Variants in PPP1R13B observed in about 807,000 individuals in gnomAD.
The protein encoded by PPP1R13B is apoptosis-stimulating of p53 protein 1.
Under a neutral mutation model 119.8 loss-of-function variants are expected in PPP1R13B, and 44 were observed. That is an observed-to-expected ratio of 0.37 (90% CI 0.29 to 0.47). PPP1R13B has a LOEUF of 0.47. Ranked by LOEUF, PPP1R13B falls within the 20% of genes least tolerant of loss-of-function variation. The pLI, the probability that PPP1R13B is intolerant of heterozygous loss-of-function variation, is 0.99. For missense variants in PPP1R13B, 1,227 were observed against 1,413.5 expected, an observed-to-expected ratio of 0.87 and a Z score of 2.12; for synonymous variants, 542 against 561.5, an observed-to-expected ratio of 0.97 and a Z score of 0.49.
chr14:103,777,728 A>G (rs1361873785), intron 4 of PPP1R13B, among the ~76,000 whole-genome samples: 1 of 151,950 alleles, frequency 6.6e-6, no homozygotes, highest in Non-Finnish European at 1.5e-5. Flanking sequence ...TAGAAATGAC[A>G]ATATCTACCC....
chr14:103,787,637 A>G (rs1355476675), intron 2 of PPP1R13B, among the ~76,000 whole-genome samples: 1 of 148,154 alleles, frequency 6.7e-6, no homozygotes, highest in Non-Finnish European at 1.5e-5. Context: ...ACACAGTGAG[A>G]CTTAATTGCT....
At chr14:103,754,904 C>T (rs1308435847) in intron 5 of PPP1R13B, among the ~76,000 whole-genome samples, 1 of 151,970 alleles carries the variant, frequency 6.6e-6, no homozygotes, top group Non-Finnish European at 1.5e-5. Flanking sequence ...CTCAGTCTAC[C>T]GAGTAGCTGG....
At chr14:103,839,857 A>G (rs1440995246) in intron 1 of PPP1R13B, among the ~76,000 whole-genome samples, 1 of 152,172 alleles carries the variant, frequency 6.6e-6, no homozygotes, top group African/African-American at 2.4e-5. Context: ...TACAATCACA[A>G]CATGTGGCAT....
At position 103,754,101 on chromosome 14, in the gene PPP1R13B, G is replaced by A. The variant is rs1423391850; in HGVS notation, c.600C>T (p.Val200=). 11 of 1,613,858 alleles carry A rather than the reference G, an allele frequency of 6.8e-6. No individual in the cohort carries two copies. Among genetic ancestry groups the A allele is most frequent in the Admixed American group, 6.7e-5 (4 of 59,964 alleles). The change falls in exon 6 of 17, where the codon GTC becomes GTT. Residue 200 remains valine (V), a synonymous_variant. Transcript: ENST00000202556. ...LKKIRAMRGQ[V]DYSKIMNGNL... ...TGCCGTTCATGATTTTGCTGTAGTCGACTTGTCCTCTCATTGCACGAATTT... is the reference window on the plus strand; with the variant it reads ...TGCCGTTCATGATTTTGCTGTAGTCAACTTGTCCTCTCATTGCACGAATTT...
chr14:103,785,844 T>C (rs1401568510), intron 2 of PPP1R13B, among the ~76,000 whole-genome samples: 1 of 151,846 alleles, frequency 6.6e-6, no homozygotes. Flanking sequence ...GAAACATAAA[T>C]TGACCAGGCC....
chr14:103,824,497 T>C (rs1346939320), intron 1 of PPP1R13B, among the ~76,000 whole-genome samples: 1 of 151,488 alleles, frequency 6.6e-6, no homozygotes, highest in Non-Finnish European at 1.5e-5. Flanking sequence ...AGTTCGAGAC[T>C]AGCCTGGCCA....
chr14:103,760,949 T>C (rs1376520088), intron 4 of PPP1R13B, among the ~76,000 whole-genome samples: 1 of 152,222 alleles, frequency 6.6e-6, no homozygotes, highest in Non-Finnish European at 1.5e-5. Context: ...AAACAAAATA[T>C]TTGTCTCTCC....
chr14:103,739,914 C>T lies in PPP1R13B; in HGVS notation c.2502G>A (p.Pro834=), dbSNP rs749204418. ...GAGATGGGGCCTCAGCCACAGGACT[C>T]GGGATCTGCTCCGTGGTGGGGACCG... ...VATVPTTEQI[P]SPVAEAPSPG... The change falls in exon 12 of 17, where the codon CCG becomes CCA. Residue 834 remains proline (P), a synonymous_variant. Transcript: ENST00000202556. 71 of 1,614,032 alleles carry T rather than the reference C, an allele frequency of 4.4e-5. No individual in the cohort carries two copies. Among genetic ancestry groups the T allele is most frequent in the Non-Finnish European group, 5.5e-5 (65 of 1,180,024 alleles).
intron 1 of PPP1R13B, among the ~76,000 whole-genome samples, chr14:103,814,082 G>A (rs2086221235): frequency 6.6e-6 from 1 of 152,212 alleles, no homozygotes; most frequent in Non-Finnish European, 1.5e-5. Flanking sequence ...GGGCGTGGTG[G>A]CTCACACCTG....
rs1567082206 is a variant in PPP1R13B, at chr14:103,739,964, C to G, written c.2452G>C (p.Glu818Gln). ...GTGGCCACGTTGTTGTTATTGTCCTCTGCCGGCTCGGCAGTTTGGTGGGTG... is the reference window on the plus strand; with the variant it reads ...GTGGCCACGTTGTTGTTATTGTCCTGTGCCGGCTCGGCAGTTTGGTGGGTG... The part of the protein sequence containing the change: ...QTTHQTAEPA[E>Q]DNNNNVATVP... The change falls in exon 12 of 17, where the codon GAG (glutamate) becomes CAG (glutamine). Residue 818 changes from glutamate to glutamine, a missense_variant. Transcript: ENST00000202556. 6.2e-7 allele frequency: 1 copy of G among 1,614,148 alleles called. No homozygotes were observed. The highest frequency in any genetic ancestry group is 2.2e-5 in the East Asian group (1 of 44,878).
At chr14:103,846,347 G>A (rs895588098) in intron 1 of PPP1R13B, among the ~76,000 whole-genome samples, 16 of 152,216 alleles carry the variant, frequency 1.1e-4, no homozygotes, top group Non-Finnish European at 2.4e-4. Context: ...CAGCATAGCA[G>A]AATGGCAATA....
At chr14:103,771,790 T>C (rs961418532) in intron 4 of PPP1R13B, among the ~76,000 whole-genome samples, 2 of 152,208 alleles carry the variant, frequency 1.3e-5, no homozygotes, top group Admixed American at 6.5e-5. Context: ...CTAAAACTTC[T>C]AGAAGTGAAA....
At chr14:103,840,011 TATTGTTCTATATGATATC>T (rs1938245446) in intron 1 of PPP1R13B, 1 of 152,364 alleles carries the variant, frequency 6.6e-6, no homozygotes, top group Non-Finnish European at 1.5e-5. Flanking sequence ...TCCAGTTTTA[TATTGTTCTATATGATATC>T]ACCAAAGATT....
chr14:103,783,722 A>C (rs905029100), intron 3 of PPP1R13B, among the ~76,000 whole-genome samples: 2 of 151,578 alleles, frequency 1.3e-5, no homozygotes, highest in Admixed American at 1.3e-4. Context: ...CCAGCTATTT[A>C]GTATTTTCTG....
At chr14:103,753,793 T>C (rs986164506) in intron 6 of PPP1R13B, among the ~76,000 whole-genome samples, 5 of 152,108 alleles carry the variant, frequency 3.3e-5, no homozygotes, top group African/African-American at 1.2e-4. Context: ...TCATTCAGGC[T>C]GGGGAGCACT....
intron 1 of PPP1R13B, among the ~76,000 whole-genome samples, chr14:103,798,150 C>CTTT (rs1180401644): frequency 3.4e-5 from 4 of 117,458 alleles, no homozygotes; most frequent in South Asian, 2.5e-4. Context: ...ATATAATAAT[C>CTTT]TCTTTTTTTT....
rs1367690254 is a variant in PPP1R13B, at chr14:103,841,295, A to AC, written c.9+6003_9+6004insG. ...AGCGAAACTCTGTCTCAAAAAAAAA[A>AC]ATTTTTTTTAGGCTGGGCGCGGTGG... On this transcript the variant is annotated intron_variant, in intron 1 of 16. Transcript: ENST00000202556. 2.6e-5 allele frequency among the ~76,000 whole-genome samples: 4 copies of AC among 151,988 alleles called. No individual in the cohort carries two copies. In the East Asian group the frequency reaches 7.7e-4, roughly 29 times the overall value.
intron 3 of PPP1R13B, among the ~76,000 whole-genome samples, chr14:103,779,827 G>C (rs2085296609): frequency 6.6e-6 from 1 of 151,748 alleles, no homozygotes; most frequent in African/African-American, 2.4e-5. Context: ...ATATTACCAA[G>C]AGAGGAAAAA....
chr14:103,802,659 G>A (rs955778321), intron 1 of PPP1R13B, among the ~76,000 whole-genome samples: 2 of 152,054 alleles, frequency 1.3e-5, no homozygotes, highest in South Asian at 4.1e-4. Context: ...TCTGAAACGC[G>A]GAATTCTTTA....
Sources: gnomAD v4.1 joint callset for allele counts (sites outside exome capture counted in the v4.1 genomes callset) on GRCh38, gnomAD v4.1.1 for gene constraint, MANE v1.5 for transcripts, NCBI Gene and HGNC (gene_info 2026-07-23, HGNC 2026-07-21) for gene names.